The following PRKG1 variants were observed in gnomAD, a reference collection of about 807,000 sequenced individuals.
PRKG1 encodes the protein cGMP-dependent protein kinase 1.
PRKG1 carries 35 observed loss-of-function variants against 88.1 expected under a neutral mutation model. The observed-to-expected ratio is 0.40, with a 90% CI of 0.30 to 0.53. PRKG1 has a LOEUF of 0.53. Among genes scored for constraint, PRKG1 ranks in the 20% least tolerant of loss-of-function variants. PRKG1 has a pLI of 0.59. For missense variants in PRKG1, 540 were observed against 839.8 expected (o/e 0.64, Z 4.41); for synonymous variants, 303 against 292.5 (o/e 1.04, Z -0.37).
chr10:51,710,990 C>T (rs928050971), intron 3 of PRKG1, among the ~76,000 whole-genome samples: 7 of 152,326 alleles, frequency 4.6e-5, no homozygotes, highest in African/African-American at 1.2e-4. Context: ...AGCCACTGCG[C>T]CCAGCCAGTG....
At chr10:51,456,501 T>C (rs1401210155) in intron 2 of PRKG1, among the ~76,000 whole-genome samples, 2 of 150,370 alleles carry the variant, frequency 1.3e-5, no homozygotes, top group African/African-American at 4.9e-5. Context: ...GAAAATAACA[T>C]AGGAAAAAAA....
chr10:51,737,449 C>T lies in PRKG1; in HGVS notation c.593-67136C>T, dbSNP rs190788911. Reference sequence around the variant, plus strand: ...GATTTTGTTGTTGCCTGGTTTATTGCTTTCAATCTAATTGAGAGACGTTAA... The same window carrying T: ...GATTTTGTTGTTGCCTGGTTTATTGTTTTCAATCTAATTGAGAGACGTTAA... On this transcript the variant is annotated intron_variant, in intron 3 of 17. Transcript: ENST00000373980. Among the ~76,000 whole-genome samples the T allele has an allele frequency of 5.3e-5, 8 of 152,282 alleles. No individual in the cohort carries two copies. The East Asian group carries it at 9.6e-4, about 18-fold the overall frequency.
chr10:51,488,076 A>G (rs1840599110), intron 3 of PRKG1, among the ~76,000 whole-genome samples: 1 of 152,174 alleles, frequency 6.6e-6, no homozygotes, highest in African/African-American at 2.4e-5. Context: ...GTCAGTGGAA[A>G]AAATAGTCAT....
At position 51,535,701 on chromosome 10, in the gene PRKG1, A is replaced by G. The variant is rs761448568; in HGVS notation, c.592+67865A>G. Among the ~76,000 whole-genome samples the G allele has an allele frequency of 5.3e-4, 79 of 150,472 alleles. 3 individuals carry two copies. The highest frequency in any genetic ancestry group is 1.9e-4 in the Non-Finnish European group (13 of 67,842). On this transcript the variant is annotated intron_variant, in intron 3 of 17. Transcript: ENST00000373980. The stretch of plus-strand genomic sequence containing the variant: ...AAATATATAATTTTTTAAAGATTAA[A>G]AAGAAAGGGTTTTGAAATCAATGAT...
intron 5 of PRKG1, among the ~76,000 whole-genome samples, chr10:52,030,428 G>A (rs895089840): frequency 2.0e-5 from 3 of 152,130 alleles, no homozygotes; most frequent in African/African-American, 7.2e-5. Context: ...CCACTTATGC[G>A]TCTCCTCTGG....
At chr10:52,122,332 C>G (rs754827497) in intron 7 of PRKG1, among the ~76,000 whole-genome samples, 21 of 152,224 alleles carry the variant, frequency 1.4e-4, no homozygotes, top group Non-Finnish European at 4.4e-5. Flanking sequence ...AATGGTCCCT[C>G]TTCTCAACAC....
chr10:51,701,440 G>A (rs1841463380), intron 3 of PRKG1, among the ~76,000 whole-genome samples: 1 of 152,152 alleles, frequency 6.6e-6, no homozygotes, highest in Admixed American at 6.5e-5. Context: ...CACCCAAGAT[G>A]CGCGACAGTT....
intron 2 of PRKG1, among the ~76,000 whole-genome samples, chr10:51,182,834 G>A (rs1355657121): frequency 6.6e-6 from 1 of 152,160 alleles, no homozygotes; most frequent in Non-Finnish European, 1.5e-5. Flanking sequence ...TTCAAGAATT[G>A]TCGAATTCAT....
At chr10:51,059,271 A>T (rs1011649540) in intron 1 of PRKG1, among the ~76,000 whole-genome samples, 2 of 152,214 alleles carry the variant, frequency 1.3e-5, no homozygotes, top group Non-Finnish European at 2.9e-5. Flanking sequence ...TTGTGGTACC[A>T]TAAAGAAGTC....
intron 8 of PRKG1, among the ~76,000 whole-genome samples, chr10:52,147,439 A>T (rs1488225366): frequency 6.6e-6 from 1 of 152,188 alleles, no homozygotes. Context: ...ACCAGAAAAC[A>T]AAAACAGTTT....
rs559134214 is a variant in PRKG1, at chr10:51,637,036, G to C, written c.593-167549G>C. ...TGATCCAATATGGTGGTTCATTTTT[G>C]AGGCTTTTCTTCTAAAAACCTTCTC... On this transcript the variant is annotated intron_variant, in intron 3 of 17. Transcript: ENST00000373980. 1.3e-3 allele frequency among the ~76,000 whole-genome samples: 192 copies of C among 152,150 alleles called. 1 individual carries two copies. The highest frequency in any genetic ancestry group is 2.3e-3 in the Non-Finnish European group (156 of 67,990).
At chr10:51,449,191 G>A (rs111735802) in intron 2 of PRKG1, among the ~76,000 whole-genome samples, 6 of 151,766 alleles carry the variant, frequency 4.0e-5, no homozygotes, top group Non-Finnish European at 8.8e-5. Flanking sequence ...TGTCAAACTT[G>A]CATATTATTC....
At chr10:51,372,071 A>G (rs1842717025) in intron 2 of PRKG1, among the ~76,000 whole-genome samples, 1 of 152,116 alleles carries the variant, frequency 6.6e-6, no homozygotes, top group Non-Finnish European at 1.5e-5. Flanking sequence ...TAGAAACATA[A>G]TAAAAAACAT....
chr10:52,154,576 G>A (rs1485236038), intron 8 of PRKG1, among the ~76,000 whole-genome samples: 1 of 152,148 alleles, frequency 6.6e-6, no homozygotes, highest in African/African-American at 2.4e-5. Flanking sequence ...AAAATTGTGT[G>A]TAGGAAAATC....
chr10:51,907,599 G>T, intron 5 of PRKG1, 29 bp downstream of exon 5: 1 of 1,587,934 alleles, frequency 6.3e-7, no homozygotes, highest in South Asian at 1.1e-5. Context: ...TGAACTTTTT[G>T]AGATGGGATC....
intron 2 of PRKG1, among the ~76,000 whole-genome samples, chr10:51,193,010 G>T (rs541883814): frequency 1.3e-5 from 2 of 152,118 alleles, no homozygotes; most frequent in African/African-American, 4.8e-5. Flanking sequence ...TTAGAATAAA[G>T]CTAAAGTCAG....
At chr10:51,212,126 C>G (rs1471430767) in intron 2 of PRKG1, among the ~76,000 whole-genome samples, 5 of 151,974 alleles carry the variant, frequency 3.3e-5, no homozygotes, top group East Asian at 3.9e-4. Context: ...AGATATAGAC[C>G]AATGGAACAG....
intron 5 of PRKG1, among the ~76,000 whole-genome samples, chr10:52,050,008 G>A (rs893918527): frequency 3.9e-5 from 6 of 151,974 alleles, no homozygotes; most frequent in East Asian, 3.9e-4. Flanking sequence ...ATACAATGGA[G>A]AGAACTAATT....
chr10:51,071,318 A>G (rs1468102653), upstream of PRKG1, among the ~76,000 whole-genome samples: 1 of 152,158 alleles, frequency 6.6e-6, no homozygotes, highest in Non-Finnish European at 1.5e-5. Context: ...TACTTAAAAT[A>G]TTTATTTTTA....
Sources: allele counts gnomAD v4.1 joint callset (sites outside exome capture counted in the v4.1 genomes callset), GRCh38; gene constraint gnomAD v4.1.1; transcripts MANE v1.5; gene names NCBI Gene and HGNC (gene_info 2026-07-23, HGNC 2026-07-21).